PLCG2: variants seen among roughly 807,000 people sequenced by gnomAD.
PLCG2 encodes the protein phospholipase C gamma 2, also known as 1-phosphatidylinositol 4,5-bisphosphate phosphodiesterase gamma-2.
In PLCG2, 69 loss-of-function variants were observed where a neutral mutation model predicts 175.6. That is an observed-to-expected ratio of 0.39 (90% CI 0.32 to 0.48). PLCG2 has a LOEUF of 0.48. Ranked by LOEUF, PLCG2 falls within the 20% of genes least tolerant of loss-of-function variation. The pLI is 0.91. For missense variants in PLCG2, 1,798 were observed against 1,650.9 expected (o/e 1.09, Z -1.54); for synonymous variants, 827 against 624.0 (o/e 1.33, Z -4.85).
At chr16:81,785,565 T>G (rs912678507) in intron 1 of PLCG2, among the ~76,000 whole-genome samples, 1 of 151,718 alleles carries the variant, frequency 6.6e-6, no homozygotes, top group African/African-American at 2.4e-5. Context: ...CTAGACAGGA[T>G]AGAGAAGGAT....
intron 30 of PLCG2, among the ~76,000 whole-genome samples, chr16:81,940,461 G>T (rs975401178): frequency 4.6e-5 from 7 of 152,204 alleles, no homozygotes; most frequent in South Asian, 2.1e-4. Flanking sequence ...GCATCTTGGG[G>T]GGGGAGTAAC....
chr16:81,787,619 A>C (rs1485953585), intron 2 of PLCG2, among the ~76,000 whole-genome samples: 3 of 151,548 alleles, frequency 2.0e-5, no homozygotes, highest in South Asian at 4.2e-4. Flanking sequence ...CAGCATGTAT[A>C]GTGTGGTGGT....
intron 7 of PLCG2, among the ~76,000 whole-genome samples, 154 bp downstream of exon 7, chr16:81,871,089 C>A (rs1907491262): frequency 6.6e-6 from 1 of 152,114 alleles, no homozygotes; most frequent in Non-Finnish European, 1.5e-5. Flanking sequence ...CCATTTTCAT[C>A]CATTAGATTG....
At chr16:81,849,713 C>A (rs747852247) in intron 2 of PLCG2, among the ~76,000 whole-genome samples, 2 of 138,278 alleles carry the variant, frequency 1.4e-5, no homozygotes, top group African/African-American at 5.5e-5. Context: ...GGAGGTTGCA[C>A]TGAGCCAAGA....
At chr16:81,887,739 T>C (rs1366914582) in intron 9 of PLCG2, among the ~76,000 whole-genome samples, 1 of 152,244 alleles carries the variant, frequency 6.6e-6, no homozygotes, top group African/African-American at 2.4e-5. Flanking sequence ...ATAAAGTTGT[T>C]AGAATATTTG....
chr16:81,887,351 C>G (rs1330194092), intron 9 of PLCG2, among the ~76,000 whole-genome samples: 3 of 152,086 alleles, frequency 2.0e-5, no homozygotes, highest in African/African-American at 7.2e-5. Flanking sequence ...GATCTCCTGA[C>G]CTCATGATCC....
chr16:81,915,254 C>T (rs897615043), intron 19 of PLCG2, among the ~76,000 whole-genome samples: 5 of 152,184 alleles, frequency 3.3e-5, no homozygotes, highest in Admixed American at 6.5e-5. Flanking sequence ...CTTCTCCTTG[C>T]CCTCTACATA....
intron 1 of PLCG2, among the ~76,000 whole-genome samples, chr16:81,750,251 TACA>T (rs1308317780): frequency 2.0e-5 from 3 of 151,666 alleles, no homozygotes; most frequent in Admixed American, 6.6e-5. Flanking sequence ...CTGCTAAAAA[TACA>T]ACAACAACAA....
intron 31 of PLCG2, 42 bp from the exon 32 acceptor site, chr16:81,956,653 G>A (rs1365977992): frequency 6.4e-7 from 1 of 1,567,198 alleles, no homozygotes; most frequent in Non-Finnish European, 8.7e-7. Flanking sequence ...GGTTTGGAAG[G>A]TGTAGTCACC....
Position 81,905,464 on chromosome 16 carries a change from A to G in PLCG2, c.1424A>G (p.His475Arg). 1 of 1,614,178 alleles carries G rather than the reference A, an allele frequency of 6.2e-7. No homozygotes were observed. The highest frequency in any genetic ancestry group is 8.5e-7 in the Non-Finnish European group (1 of 1,180,012). ...DVNMEDKKDE[H>R]KQQGELYMWD... ...AACATGGAGGACAAGAAGGACGAAC[A>G]CAAGCAACAGGGGGAGCTGTACATG... Residue 475 changes from histidine to arginine, a missense_variant, in exon 15 of 33, where the codon CAC becomes CGC. Physicochemically the swap from His to Arg is conservative, Grantham distance 29. Transcript: ENST00000564138.
chr16:81,815,629 C>G (rs1016999494), intron 2 of PLCG2, among the ~76,000 whole-genome samples: 1 of 152,204 alleles, frequency 6.6e-6, no homozygotes, highest in Admixed American at 6.5e-5. Flanking sequence ...GAACACAAGT[C>G]CCTCTTCAGC....
At chr16:81,851,287 C>G (rs1906395362) in intron 2 of PLCG2, among the ~76,000 whole-genome samples, 1 of 152,212 alleles carries the variant, frequency 6.6e-6, no homozygotes, top group Non-Finnish European at 1.5e-5. Flanking sequence ...CCATAGTTAT[C>G]AAAACCTGGA....
intron 10 of PLCG2, among the ~76,000 whole-genome samples, chr16:81,890,132 A>G (rs9937840): frequency 0.072 from 10,990 of 152,172 alleles, 1,353 homozygotes; most frequent in African/African-American, 0.25. Flanking sequence ...CAAAAGGCCA[A>G]TCTTAGGTTA....
intron 2 of PLCG2, among the ~76,000 whole-genome samples, chr16:81,848,293 G>T (rs1316508540): frequency 1.3e-5 from 2 of 152,182 alleles, no homozygotes; most frequent in East Asian, 3.8e-4. Flanking sequence ...AGCAAGAGAG[G>T]GGTGTTCAGG....
intron 18 of PLCG2, among the ~76,000 whole-genome samples, chr16:81,911,878 A>G (rs1279966553): frequency 7.0e-6 from 1 of 143,078 alleles, no homozygotes; most frequent in Non-Finnish European, 1.5e-5. Context: ...GCTCACTGCA[A>G]CCTTTGCCTC....
rs1911699902 is a variant in PLCG2, at chr16:81,959,420, G to A, written c.*1422G>A. ...AAAAACTTACTGATCACCTCCACAT[G>A]CCAAATACAGTGCCAAGATTTGGGG... On this transcript the variant is annotated 3_prime_UTR_variant, in exon 33 of 33. Coordinates refer to ENST00000564138, the MANE Select transcript of PLCG2 (RefSeq NM_002661.5). The A allele has an allele frequency of 1.4e-5, 3 of 220,948 alleles. No individual in the cohort carries two copies. The highest frequency in any genetic ancestry group is 1.4e-3 in the Middle Eastern group (1 of 702). 13.7% of individuals were successfully genotyped at this position (220,948 alleles called of 1,614,324 possible). A position where few individuals can be genotyped will look rare whatever the true frequency, so the allele number is the denominator to read the frequency against.
chr16:81,744,670 T>A (rs888355730), intron 1 of PLCG2, among the ~76,000 whole-genome samples: 1 of 152,124 alleles, frequency 6.6e-6, no homozygotes, highest in Non-Finnish European at 1.5e-5. Flanking sequence ...CCTCCTGGGC[T>A]CAAGTGATCT....
At chr16:81,741,563 C>T (rs1909594867) in intron 1 of PLCG2, among the ~76,000 whole-genome samples, 1 of 152,070 alleles carries the variant, frequency 6.6e-6, no homozygotes. Flanking sequence ...TGATCCCAGC[C>T]CTTTGGGAGG....
At chr16:81,865,045 T>TG (rs557117869) in intron 5 of PLCG2, among the ~76,000 whole-genome samples, 2 of 152,094 alleles carry the variant, frequency 1.3e-5, no homozygotes, top group African/African-American at 4.8e-5. Context: ...GTCATCACCC[T>TG]GGGGGAAGGA....
Sources: allele counts gnomAD v4.1 joint callset (sites outside exome capture counted in the v4.1 genomes callset), GRCh38; gene constraint gnomAD v4.1.1; transcripts MANE v1.5; gene names NCBI Gene and HGNC (gene_info 2026-07-23, HGNC 2026-07-21).